Variants in GUCY1A2 observed in about 807,000 individuals in gnomAD.
GUCY1A2 encodes guanylate cyclase soluble subunit alpha-2.
GUCY1A2 carries 27 observed loss-of-function variants against 63.5 expected under a neutral mutation model. The ratio of observed to expected loss-of-function variants is 0.43; its 90% CI spans 0.31 to 0.59. GUCY1A2 has a LOEUF of 0.59. GUCY1A2 is among the 20% of genes least tolerant of loss of function. The pLI is 0.11. For missense variants in GUCY1A2, 768 were observed against 913.3 expected (o/e 0.84, Z 2.05); for synonymous variants, 364 against 343.5 (o/e 1.06, Z -0.66).
intron 5 of GUCY1A2, among the ~76,000 whole-genome samples, chr11:106,801,942 T>C (rs1858610001): frequency 6.6e-6 from 1 of 152,182 alleles, no homozygotes; most frequent in African/African-American, 2.4e-5. Flanking sequence ...ATAAGTGAAA[T>C]ATCACAGTTT....
chr11:106,929,825 C>T (rs960596701), intron 4 of GUCY1A2, among the ~76,000 whole-genome samples: 5 of 152,058 alleles, frequency 3.3e-5, no homozygotes, highest in African/African-American at 1.2e-4. Flanking sequence ...CTGGTTTTGC[C>T]TTCTGAAACA....
intron 5 of GUCY1A2, among the ~76,000 whole-genome samples, chr11:106,782,445 G>A (rs1445565631): frequency 6.6e-6 from 1 of 152,202 alleles, no homozygotes; most frequent in Non-Finnish European, 1.5e-5. Flanking sequence ...ATCATGCTCA[G>A]GTGGGTGAAA....
intron 7 of GUCY1A2, among the ~76,000 whole-genome samples, chr11:106,704,423 T>C (rs1478777651): frequency 6.6e-6 from 1 of 152,184 alleles, no homozygotes; most frequent in African/African-American, 2.4e-5. Context: ...ATTTAGAGCC[T>C]GGATTCTACC....
intron 1 of GUCY1A2, among the ~76,000 whole-genome samples, chr11:106,994,909 T>G (rs1314935316): frequency 6.6e-6 from 1 of 152,240 alleles, no homozygotes; most frequent in Non-Finnish European, 1.5e-5. Flanking sequence ...AGGTCCAGTA[T>G]GCTCATTAAC....
At chr11:106,848,299 C>A (rs138316027) in intron 4 of GUCY1A2, among the ~76,000 whole-genome samples, 60 of 151,762 alleles carry the variant, frequency 4.0e-4, no homozygotes, top group African/African-American at 1.4e-3. Context: ...AGCACACAAT[C>A]AGTGAATATG....
chr11:106,986,015 T>C, intron 2 of GUCY1A2, 55 bp downstream of exon 2: 1 of 892,316 alleles, frequency 1.1e-6, no homozygotes, highest in Non-Finnish European at 1.9e-6. Context: ...CAGCTATGTT[T>C]GAGTAATTAC....
At chr11:106,709,295 ATATTTT>A (rs1286358827) in intron 6 of GUCY1A2, among the ~76,000 whole-genome samples, 2 of 98,430 alleles carry the variant, frequency 2.0e-5, no homozygotes, top group Admixed American at 1.5e-4. Flanking sequence ...ATATATATTT[ATATTTT>A]TATATTTATA....
At chr11:106,689,297 T>A (rs1862580962) in intron 7 of GUCY1A2, among the ~76,000 whole-genome samples, 1 of 152,166 alleles carries the variant, frequency 6.6e-6, no homozygotes, top group Non-Finnish European at 1.5e-5. Context: ...AGCTATAGTA[T>A]TTTGATTGCT....
chr11:106,826,426 T>C (rs1400151143), intron 4 of GUCY1A2: 8 of 1,563,226 alleles, frequency 5.1e-6, no homozygotes, highest in Non-Finnish European at 6.2e-6. Context: ...AATATTTGGA[T>C]CTAGCAGATC....
At chr11:106,830,106 T>G (rs1859029952) in intron 4 of GUCY1A2, among the ~76,000 whole-genome samples, 2 of 152,236 alleles carry the variant, frequency 1.3e-5, no homozygotes, top group South Asian at 4.1e-4. Flanking sequence ...TGTATACACT[T>G]GTACTAAGAA....
intron 5 of GUCY1A2, among the ~76,000 whole-genome samples, chr11:106,780,469 G>C (rs1466761959): frequency 6.6e-6 from 1 of 152,120 alleles, no homozygotes; most frequent in Admixed American, 6.5e-5. Flanking sequence ...TGGGGTGGAG[G>C]GGAGAAACTG....
rs1862419847 is a variant in GUCY1A2 at position 106,680,792 on chromosome 11, C to T, written c.*6757G>A. 4.8e-6 allele frequency: 1 copy of T among 207,220 alleles called. No individual in the cohort carries two copies. 12.8% of individuals were successfully genotyped at this position (207,220 alleles called of 1,614,324 possible). A position where few individuals can be genotyped will look rare whatever the true frequency, so the allele number is the denominator to read the frequency against. ...AGAAAGGTAAAGACAAAATATCGAA[C>T]ACACCCACCATTCAAATGGGTTCAT... is the stretch of plus-strand genomic sequence containing the variant. On this transcript the variant is annotated 3_prime_UTR_variant, in exon 8 of 8. Transcript: ENST00000526355.
intron 4 of GUCY1A2, among the ~76,000 whole-genome samples, chr11:106,882,394 C>T (rs1477803933): frequency 6.6e-6 from 1 of 152,082 alleles, no homozygotes; most frequent in South Asian, 2.1e-4. Flanking sequence ...CCAATAGCAG[C>T]AGCTTCCAAA....
chr11:106,909,736 C>G (rs1363547116), intron 4 of GUCY1A2, among the ~76,000 whole-genome samples: 2 of 151,918 alleles, frequency 1.3e-5, no homozygotes, highest in African/African-American at 2.4e-5. Flanking sequence ...GTAACACAGG[C>G]TGTTTAACCA....
intron 5 of GUCY1A2, among the ~76,000 whole-genome samples, chr11:106,802,597 A>G (rs570136925): frequency 6.6e-6 from 1 of 152,204 alleles, no homozygotes; most frequent in African/African-American, 2.4e-5. Flanking sequence ...AAAACACCAT[A>G]GACTGGGTGG....
chr11:107,012,213 T>C (rs550348476), intron 1 of GUCY1A2, among the ~76,000 whole-genome samples: 13 of 151,756 alleles, frequency 8.6e-5, no homozygotes, highest in Non-Finnish European at 1.5e-4. Context: ...TTAATTTTTT[T>C]AATGGATTGT....
At chr11:106,749,964 T>C (rs1364504403) in intron 6 of GUCY1A2, among the ~76,000 whole-genome samples, 1 of 152,062 alleles carries the variant, frequency 6.6e-6, no homozygotes, top group Non-Finnish European at 1.5e-5. Flanking sequence ...GGAGAGAGTT[T>C]ATTAGGGAGA....
intron 4 of GUCY1A2, among the ~76,000 whole-genome samples, chr11:106,833,165 G>A (rs1349168762): frequency 1.3e-5 from 2 of 151,912 alleles, no homozygotes; most frequent in African/African-American, 4.8e-5. Context: ...TAAGGACAGA[G>A]GTCATACTGG....
At position 107,008,598 on chromosome 11, in the gene GUCY1A2, T is replaced by A. The variant is rs553908967; in HGVS notation, c.303+9155A>T. ...ATTCTTTTAACAAACATTTATTGAG[T>A]GCCTTTATAATTCAGATACTCTGCT... is the stretch of plus-strand genomic sequence containing the variant. On this transcript the variant is annotated intron_variant, in intron 1 of 7. Coordinates refer to ENST00000526355, the MANE Select transcript of GUCY1A2 (RefSeq NM_000855.3). Among the ~76,000 whole-genome samples the A allele has an allele frequency of 3.3e-5, 5 of 152,304 alleles. No homozygotes were observed. In the South Asian group the frequency reaches 8.3e-4, roughly 25 times the overall value.
Sources: gnomAD v4.1 joint callset for allele counts (sites outside exome capture counted in the v4.1 genomes callset) on GRCh38, gnomAD v4.1.1 for gene constraint, MANE v1.5 for transcripts, NCBI Gene and HGNC (gene_info 2026-07-23, HGNC 2026-07-21) for gene names.